The following AFAP1L1 variants were observed in gnomAD, a reference collection of about 807,000 sequenced individuals.
AFAP1L1 encodes actin filament associated protein 1 like 1.
A neutral mutation model predicts 99.8 loss-of-function variants in AFAP1L1; 77 were observed. The observed-to-expected ratio is 0.77, with a 90% CI of 0.64 to 0.93. The LOEUF (loss-of-function observed/expected upper bound fraction) is 0.93. Among genes scored for constraint, AFAP1L1 ranks in the 40% least tolerant of loss-of-function variants. The pLI is 0.00. For missense variants in AFAP1L1, 893 were observed against 996.8 expected (o/e 0.90, Z 1.40); for synonymous variants, 373 against 395.3 (o/e 0.94, Z 0.67).
chr5:149,309,149 C>T (rs1053601993), intron 7 of AFAP1L1, among the ~76,000 whole-genome samples: 1 of 152,096 alleles, frequency 6.6e-6, no homozygotes, highest in Non-Finnish European at 1.5e-5. Context: ...TTCAGGATGA[C>T]ATTTGCTGTG....
intron 5 of AFAP1L1, among the ~76,000 whole-genome samples, chr5:149,305,093 A>G (rs1197186588): frequency 1.3e-5 from 2 of 152,224 alleles, no homozygotes; most frequent in Non-Finnish European, 2.9e-5. Context: ...CCTTGTGGGA[A>G]TCAAAGGAGA....
At chr5:149,309,768 C>T (rs1306790698) in intron 7 of AFAP1L1, among the ~76,000 whole-genome samples, 188 bp from the exon 8 acceptor site, 1 of 152,184 alleles carries the variant, frequency 6.6e-6, no homozygotes, top group Non-Finnish European at 1.5e-5. Context: ...AAGATGCCTC[C>T]TCCCAGGCTT....
intron 7 of AFAP1L1, among the ~76,000 whole-genome samples, chr5:149,307,856 C>CTCTCTCTCTCTCTT (rs1310196130): frequency 1.3e-5 from 2 of 149,134 alleles, no homozygotes; most frequent in African/African-American, 4.9e-5. Context: ...CTCTCTCTCT[C>CTCTCTCTCTCTCTT]TTAAATTTAA....
Position 149,317,776 on chromosome 5 carries a change from C to T in AFAP1L1, c.1315C>T (p.Arg439Cys), listed in dbSNP as rs768819246. 22 of 1,614,066 alleles carry T rather than the reference C, an allele frequency of 1.4e-5. No homozygotes were observed. Among genetic ancestry groups the T allele is most frequent in the East Asian group, 2.2e-5 (1 of 44,890 alleles). ...VNQGWKERWC[R>C]LKCNTLYFHK... ...CCAGGGCTGGAAGGAACGCTGGTGC[C>T]GCCTGAAGTGCAACACTCTGTATTT... The change falls in exon 12 of 19, where the codon CGC becomes TGC. Residue 439 changes from arginine to cysteine, a missense_variant. By Grantham distance (180) the Arg-to-Cys change is radical. Coordinates refer to ENST00000296721, the MANE Select transcript of AFAP1L1 (RefSeq NM_152406.4).
At chr5:149,309,821 A>G (rs1376045575) in intron 7 of AFAP1L1, 135 bp from the exon 8 acceptor site, 1 of 1,084,028 alleles carries the variant, frequency 9.2e-7, no homozygotes, top group South Asian at 1.5e-5. Context: ...CTATCCTCAC[A>G]CAGTGCCCAT....
At chr5:149,301,361 G>A (rs923096750) in intron 4 of AFAP1L1, 131 bp downstream of exon 4, 16 of 694,656 alleles carry the variant, frequency 2.3e-5, no homozygotes, top group Admixed American at 2.2e-4. Flanking sequence ...GGTTGTGGGT[G>A]AGGGCACAGG....
chr5:149,273,811 C>G (rs1755219532), intron 1 of AFAP1L1, among the ~76,000 whole-genome samples: 1 of 151,920 alleles, frequency 6.6e-6, no homozygotes, highest in African/African-American at 2.4e-5. Context: ...ACCTCTCCAC[C>G]ACCCCCACTC....
Position 149,343,504 on chromosome 5 carries a change from T to TA in AFAP1L1, c.*3475dup, listed in dbSNP as rs1757615593. Among the ~76,000 whole-genome samples the TA allele has an allele frequency of 1.3e-5, 2 of 152,100 alleles. No individual in the cohort carries two copies. The highest frequency in any genetic ancestry group is 2.4e-5 in the African/African-American group (1 of 41,410). The stretch of plus-strand genomic sequence containing the variant: ...CAACTTAATTAAGTCATTCAACAAA[T>TA]ACTTGAGTACCTACTATACTAGATG... On this transcript the variant is annotated 3_prime_UTR_variant, in exon 19 of 19. Transcript: ENST00000296721.
At chr5:149,307,818 T>TTC (rs70973517) in intron 7 of AFAP1L1, among the ~76,000 whole-genome samples, 6,269 of 100,502 alleles carry the variant, frequency 0.062, 438 homozygotes, top group Middle Eastern at 0.099. Context: ...GTGCCTCTCT[T>TTC]TCTCTCTCTC....
intron 6 of AFAP1L1, among the ~76,000 whole-genome samples, chr5:149,306,717 TAAC>T (rs1226678538): frequency 6.6e-6 from 1 of 152,168 alleles, no homozygotes; most frequent in Non-Finnish European, 1.5e-5. Flanking sequence ...TTGCTGAAAA[TAAC>T]GAGAGACAAC....
At chr5:149,305,524 A>G (rs931063298) in intron 5 of AFAP1L1, among the ~76,000 whole-genome samples, 1 of 152,168 alleles carries the variant, frequency 6.6e-6, no homozygotes, top group Admixed American at 6.5e-5. Flanking sequence ...AATGAACCAG[A>G]ATCTCTGGAG....
At chr5:149,321,656 G>A (rs1331345569) in intron 14 of AFAP1L1, among the ~76,000 whole-genome samples, 3 of 148,744 alleles carry the variant, frequency 2.0e-5, no homozygotes, top group African/African-American at 5.0e-5. Context: ...TTGAACCAAG[G>A]AGGTGGAAGT....
chr5:149,329,809 G>T lies in AFAP1L1; in HGVS notation c.1954G>T (p.Glu652Ter). The change falls in exon 16 of 19, where the codon GAA (glutamate) becomes TAA (stop). Residue 652 changes from glutamate to a stop codon, truncating the protein, a stop_gained. Transcript: ENST00000296721. LOFTEE classifies it high-confidence loss of function. ...ALRQEKRELK[E>*]AIRSSPGAKL... ...GAGACAGGAGAAGAGGGAACTGAAG[G>T]AAGCCATTCGGAGCAGCCCAGGTAC... 6.2e-7 allele frequency: 1 copy of T among 1,612,102 alleles called. No homozygotes were observed. Among genetic ancestry groups the T allele is most frequent in the Non-Finnish European group, 8.5e-7 (1 of 1,179,120 alleles).
chr5:149,281,854 A>G (rs1755528370), intron 1 of AFAP1L1, among the ~76,000 whole-genome samples: 2 of 152,164 alleles, frequency 1.3e-5, no homozygotes, highest in South Asian at 4.1e-4. Flanking sequence ...TGCCGAGAAG[A>G]CGAGGAAAAG....
At chr5:149,283,436 G>A (rs560821451) in intron 1 of AFAP1L1, among the ~76,000 whole-genome samples, 12 of 152,054 alleles carry the variant, frequency 7.9e-5, no homozygotes, top group Non-Finnish European at 1.2e-4. Context: ...TGACAGCACC[G>A]AAGCCAAAAG....
chr5:149,300,226 G>T, intron 2 of AFAP1L1, 45 bp from the exon 3 acceptor site: 1 of 1,469,022 alleles, frequency 6.8e-7, no homozygotes, highest in East Asian at 2.3e-5. Context: ...GGGAGACCTG[G>T]TCCCTCCTCC....
At chr5:149,274,646 A>G (rs1163859350) in intron 1 of AFAP1L1, among the ~76,000 whole-genome samples, 2 of 152,252 alleles carry the variant, frequency 1.3e-5, no homozygotes, top group Admixed American at 6.5e-5. Flanking sequence ...TGGGAGGCCA[A>G]GGTGGGTGGA....
chr5:149,335,860 C>G, intron 18 of AFAP1L1, 138 bp downstream of exon 18: 2 of 1,187,988 alleles, frequency 1.7e-6, no homozygotes, highest in South Asian at 3.1e-5. Flanking sequence ...ACTCATGAAC[C>G]TTCCTCAGAA....
chr5:149,308,108 C>G (rs1478242371), intron 7 of AFAP1L1, among the ~76,000 whole-genome samples: 2 of 151,928 alleles, frequency 1.3e-5, no homozygotes, highest in Non-Finnish European at 2.9e-5. Flanking sequence ...GAGATCATAC[C>G]ACTACACTCC....
Sources: gnomAD v4.1 joint callset for allele counts (sites outside exome capture counted in the v4.1 genomes callset) on GRCh38, gnomAD v4.1.1 for gene constraint, MANE v1.5 for transcripts, NCBI Gene and HGNC (gene_info 2026-07-23, HGNC 2026-07-21) for gene names.